NUP93: variants seen among roughly 807,000 people sequenced by gnomAD.
NUP93 encodes nucleoporin 93.
NUP93 carries 55 observed loss-of-function variants against 107.8 expected under a neutral mutation model. The ratio of observed to expected loss-of-function variants is 0.51; its 90% CI spans 0.41 to 0.64. NUP93 has a LOEUF of 0.64. Among genes scored for constraint, NUP93 ranks in the 30% least tolerant of loss-of-function variants. NUP93 has a pLI of 0.00. For synonymous variants in NUP93, 390 were observed against 397.5 expected, an observed-to-expected ratio of 0.98 and a Z score of 0.22; for missense variants, 937 against 1,044.7, an observed-to-expected ratio of 0.90 and a Z score of 1.42.
In NUP93 at chr16:56,830,560, G is replaced by T. The variant is rs139266728; in HGVS notation, c.960G>T (p.Ala320=). The T allele has an allele frequency of 6.3e-7, 1 of 1,595,520 alleles. No individual in the cohort carries two copies. The highest frequency in any genetic ancestry group is 8.6e-7 in the Non-Finnish European group (1 of 1,165,402). ...DGEVEGHPVW[A]LIYYCMRCGD... is the part of the protein sequence containing the mutation. The stretch of plus-strand genomic sequence containing the variant: ...AGGTGGAAGGCCATCCTGTGTGGGC[G>T]CTAATTTACTACTGCATGCGCTGTG... Residue 320 remains alanine, a synonymous_variant, in exon 10 of 22, where the codon GCG becomes GCT. Transcript: ENST00000308159.
At chr16:56,742,817 A>G (rs1961760631) in intron 1 of NUP93, among the ~76,000 whole-genome samples, 1 of 152,192 alleles carries the variant, frequency 6.6e-6, no homozygotes, top group South Asian at 2.1e-4. Context: ...AGTGAGTAAC[A>G]GCTATTTCTG....
In NUP93 at chr16:56,831,823, T is replaced by C. The variant is rs1157251627; in HGVS notation, c.1086-19T>C. On this transcript the variant is annotated intron_variant, in intron 10 of 21. Transcript: ENST00000308159. ...TTTATTGAGTATGTATCTATCTGTC[T>C]GTTCCCTTATGTCTGTAGATTGTCC... The C allele has an allele frequency of 5.6e-6, 9 of 1,612,204 alleles. No individual in the cohort carries two copies. The African/African-American group carries it at 1.1e-4, about 19-fold the overall frequency.
Position 56,747,636 on chromosome 16 carries a change from G to C in NUP93, c.-14-598G>C, listed in dbSNP as rs115155602. Among the ~76,000 whole-genome samples the C allele has an allele frequency of 3.0e-3, 454 of 152,284 alleles. 1 individual carries two copies. The highest frequency in any genetic ancestry group is 9.6e-3 in the African/African-American group (397 of 41,548). On this transcript the variant is annotated intron_variant, in intron 1 of 21. Transcript: ENST00000308159. Reference sequence around the variant, plus strand: ...ACAGTAGGGGAGAGAGGGAGAGTTAGTGGTGGTTAGTCCGAAGAATGCCTT... The same window carrying C: ...ACAGTAGGGGAGAGAGGGAGAGTTACTGGTGGTTAGTCCGAAGAATGCCTT...
At chr16:56,807,280 C>T (rs1197664716) in intron 5 of NUP93, among the ~76,000 whole-genome samples, 2 of 152,230 alleles carry the variant, frequency 1.3e-5, no homozygotes, top group Non-Finnish European at 2.9e-5. Flanking sequence ...CTCTCACTTC[C>T]TTCGGATATT....
rs189767345 is a variant in NUP93, at chr16:56,832,129, G to A, written c.1251+122G>A. Reference sequence around the variant, plus strand: ...AGTGATCAGGACCAGTGGGTTCCTCGTCTCCTGTCCCCATTTTTTGTTGTG... The same window carrying A: ...AGTGATCAGGACCAGTGGGTTCCTCATCTCCTGTCCCCATTTTTTGTTGTG... On this transcript the variant is annotated intron_variant, in intron 11 of 21. Transcript: ENST00000308159. 3.3e-5 allele frequency: 44 copies of A among 1,315,562 alleles called. No individual in the cohort carries two copies. In the East Asian group the frequency reaches 8.1e-4, roughly 24 times the overall value. 81.5% of individuals were successfully genotyped at this position (1,315,562 alleles called of 1,614,324 possible).
chr16:56,762,139 C>T (rs1962138628), intron 3 of NUP93, among the ~76,000 whole-genome samples: 1 of 152,144 alleles, frequency 6.6e-6, no homozygotes, highest in African/African-American at 2.4e-5. Context: ...TGCGTCCTCT[C>T]ACAGAGATCC....
chr16:56,789,742 A>G (rs1322777080), intron 3 of NUP93, among the ~76,000 whole-genome samples: 1 of 152,254 alleles, frequency 6.6e-6, no homozygotes, highest in Non-Finnish European at 1.5e-5. Context: ...CTGCAGGGTT[A>G]TTTTTGAAGT....
intron 2 of NUP93, among the ~76,000 whole-genome samples, chr16:56,752,212 C>A (rs1179809300): frequency 1.3e-5 from 2 of 152,178 alleles, no homozygotes; most frequent in Non-Finnish European, 2.9e-5. Flanking sequence ...GCAAAATTGA[C>A]CCAGCAATTC....
intron 3 of NUP93, 75 bp from the exon 4 acceptor site, chr16:56,798,401 A>G: frequency 8.1e-7 from 1 of 1,234,086 alleles, no homozygotes; most frequent in South Asian, 1.2e-5. Context: ...CATTATGGTT[A>G]TTGTTTGCCC....
chr16:56,760,608 C>A (rs1450174665), intron 3 of NUP93, among the ~76,000 whole-genome samples: 1 of 152,108 alleles, frequency 6.6e-6, no homozygotes, highest in African/African-American at 2.4e-5. Context: ...AACACCAGAT[C>A]TCATAAGAAC....
intron 3 of NUP93, among the ~76,000 whole-genome samples, chr16:56,771,206 C>A (rs968298736): frequency 6.6e-6 from 1 of 152,188 alleles, no homozygotes; most frequent in African/African-American, 2.4e-5. Context: ...ATAATCTTTT[C>A]ATTTGTATAA....
At chr16:56,841,307 T>A (rs1964019410) in intron 20 of NUP93, among the ~76,000 whole-genome samples, 1 of 151,768 alleles carries the variant, frequency 6.6e-6, no homozygotes, top group Admixed American at 6.6e-5. Flanking sequence ...TTTGAGAGAG[T>A]GAGGAGTGGT....
chr16:56,835,487 G>A (rs1963890138), intron 16 of NUP93, among the ~76,000 whole-genome samples: 1 of 152,214 alleles, frequency 6.6e-6, no homozygotes, highest in Admixed American at 6.5e-5. Context: ...TTGCTTATTG[G>A]GCAGTGACAA....
chr16:56,823,580 A>C, intron 7 of NUP93, 127 bp from the exon 8 acceptor site: 2 of 1,124,720 alleles, frequency 1.8e-6, no homozygotes, highest in Admixed American at 1.9e-5. Context: ...CCTAGCCGTC[A>C]CAGACAGATG....
At chr16:56,783,054 T>G (rs1962547461) in intron 3 of NUP93, among the ~76,000 whole-genome samples, 1 of 152,216 alleles carries the variant, frequency 6.6e-6, no homozygotes, top group African/African-American at 2.4e-5. Flanking sequence ...CTGCAATACT[T>G]TTAATACCTT....
At chr16:56,739,523 G>A (rs1272874032) in intron 1 of NUP93, among the ~76,000 whole-genome samples, 2 of 116,500 alleles carry the variant, frequency 1.7e-5, no homozygotes, top group Admixed American at 7.8e-5. Context: ...GGGCGGGGGG[G>A]CTGACCCCCC....
intron 1 of NUP93, among the ~76,000 whole-genome samples, chr16:56,731,961 G>C (rs1961542684): frequency 6.6e-6 from 1 of 151,868 alleles, no homozygotes; most frequent in Admixed American, 6.6e-5. Flanking sequence ...CCTTTACAGT[G>C]AGCTATAAGG....
chr16:56,772,086 T>A (rs959926329), intron 3 of NUP93, among the ~76,000 whole-genome samples: 2 of 152,182 alleles, frequency 1.3e-5, no homozygotes, highest in Non-Finnish European at 2.9e-5. Flanking sequence ...TTTGCATCCC[T>A]CTCTCTGCCA....
intron 3 of NUP93, among the ~76,000 whole-genome samples, chr16:56,777,739 G>A (rs1298707081): frequency 6.6e-6 from 1 of 152,138 alleles, no homozygotes; most frequent in African/African-American, 2.4e-5. Flanking sequence ...GAATACTGTT[G>A]GTAATGATGC....
Sources: gnomAD v4.1 joint callset for allele counts (sites outside exome capture counted in the v4.1 genomes callset) on GRCh38, gnomAD v4.1.1 for gene constraint, MANE v1.5 for transcripts, NCBI Gene and HGNC (gene_info 2026-07-23, HGNC 2026-07-21) for gene names.